Variants in ANO1 observed in about 807,000 individuals in gnomAD.
ANO1 encodes the protein anoctamin-1.
ANO1 carries 59 observed loss-of-function variants against 124.0 expected under a neutral mutation model. That is an observed-to-expected ratio of 0.48 (90% CI 0.39 to 0.59). ANO1 has a LOEUF of 0.59. Among genes scored for constraint, ANO1 ranks in the 20% least tolerant of loss-of-function variants. The pLI is 0.00. For missense variants in ANO1, 1,059 were observed against 1,328.0 expected, an observed-to-expected ratio of 0.80 and a Z score of 3.15; for synonymous variants, 529 against 532.0, an observed-to-expected ratio of 0.99 and a Z score of 0.08.
intron 1 of ANO1, among the ~76,000 whole-genome samples, chr11:70,083,148 C>T (rs1429073598): frequency 6.6e-6 from 1 of 152,164 alleles, no homozygotes; most frequent in Admixed American, 6.5e-5. Context: ...TTTCCCCTGT[C>T]CTCCCCTAGT....
chr11:70,052,940 C>T (rs1857376687), intron 1 of ANO1, among the ~76,000 whole-genome samples: 1 of 152,144 alleles, frequency 6.6e-6, no homozygotes, highest in Non-Finnish European at 1.5e-5. Flanking sequence ...TCTTTTGTCT[C>T]TCTTAGTAAT....
At chr11:70,088,178 G>T (rs1306507138) in intron 2 of ANO1, 94 bp downstream of exon 2, 5 of 902,126 alleles carry the variant, frequency 5.5e-6, no homozygotes, top group Non-Finnish European at 6.4e-6. Context: ...CAGAGGGTGC[G>T]AGGCTGGTAT....
chr11:70,186,395 G>GAAGAAAGA (rs1161253873), intron 25 of ANO1, among the ~76,000 whole-genome samples: 12 of 145,978 alleles, frequency 8.2e-5, no homozygotes, highest in African/African-American at 2.7e-4. Context: ...AGGAAGGAAG[G>GAAGAAAGA]AAGAAAGACA....
chr11:70,006,151 G>T (rs146094277), intron 1 of ANO1, among the ~76,000 whole-genome samples: 4 of 152,286 alleles, frequency 2.6e-5, no homozygotes, highest in African/African-American at 9.6e-5. Flanking sequence ...CATCTCAGGA[G>T]TGAGGATGCC....
intron 1 of ANO1, among the ~76,000 whole-genome samples, chr11:70,037,267 T>C (rs1210916189): frequency 1.3e-5 from 2 of 151,904 alleles, no homozygotes; most frequent in Non-Finnish European, 2.9e-5. Context: ...CAATACTCAG[T>C]GGAGCAGGGC....
At chr11:69,999,722 C>G (rs971172300) in intron 1 of ANO1, among the ~76,000 whole-genome samples, 7 of 152,202 alleles carry the variant, frequency 4.6e-5, no homozygotes, top group Admixed American at 4.6e-4. Context: ...GCTCAATAAA[C>G]ATTTGCTGAA....
intron 25 of ANO1, 67 bp from the exon 26 acceptor site, chr11:70,187,671 C>T: frequency 6.6e-7 from 1 of 1,525,020 alleles, no homozygotes; most frequent in Non-Finnish European, 8.8e-7. Context: ...GGGGGCCAGG[C>T]AGAGAGGTCA....
chr11:70,045,180 G>T (rs1555005444), intron 1 of ANO1, among the ~76,000 whole-genome samples: 1 of 152,210 alleles, frequency 6.6e-6, no homozygotes, highest in Admixed American at 6.5e-5. Context: ...CCAGGTAAAG[G>T]CTAAACAGGC....
intron 25 of ANO1, among the ~76,000 whole-genome samples, chr11:70,185,915 A>G (rs1177289323): frequency 1.3e-5 from 2 of 152,144 alleles, no homozygotes; most frequent in Non-Finnish European, 1.5e-5. Flanking sequence ...GAGGAAGGCC[A>G]ATAGAGGGGC....
rs1161416298 is a variant in ANO1, at chr11:70,081,340, G to A, written c.108+2626G>A. 3.3e-5 allele frequency among the ~76,000 whole-genome samples: 5 copies of A among 152,200 alleles called. 1 individual carries two copies. Among genetic ancestry groups the A allele is most frequent in the Admixed American group, 3.3e-4 (5 of 15,284 alleles). On this transcript the variant is annotated intron_variant, in intron 1 of 25. Transcript: ENST00000355303. ...CCCAAACAAGCCCAGACACTCCAGA[G>A]ATACCTGATTTGCTGGTATCTGCCC...
chr11:70,116,646 C>A lies in ANO1; in HGVS notation c.897+147C>A, dbSNP rs1466097523. 4 of 662,922 alleles carry A rather than the reference C, an allele frequency of 6.0e-6. No homozygotes were observed. The South Asian group carries it at 7.2e-5, about 12-fold the overall frequency. The allele number at this position is 662,922 out of a possible 1,614,324, so 41.1% of individuals were successfully genotyped here. On this transcript the variant is annotated intron_variant, in intron 8 of 25. Transcript: ENST00000355303. ...TGCAGGGGGCTGAGAAGCGGGTGTCCCCTCTCACCTTTTCAGGAGAAAAGT... is the reference window on the plus strand; with the variant it reads ...TGCAGGGGGCTGAGAAGCGGGTGTCACCTCTCACCTTTTCAGGAGAAAAGT...
chr11:70,082,774 A>G (rs2044242293), intron 1 of ANO1, among the ~76,000 whole-genome samples: 1 of 151,942 alleles, frequency 6.6e-6, no homozygotes, highest in Admixed American at 6.6e-5. Flanking sequence ...CACCCACTCC[A>G]CTGCTCCGTG....
intron 1 of ANO1, among the ~76,000 whole-genome samples, chr11:70,041,524 T>C (rs1857182679): frequency 6.6e-6 from 1 of 152,210 alleles, no homozygotes; most frequent in Non-Finnish European, 1.5e-5. Context: ...TTTCATCCAG[T>C]TGGCAGAACT....
intron 1 of ANO1, chr11:70,085,434 C>T (rs1326356625): frequency 6.5e-7 from 1 of 1,533,360 alleles, no homozygotes; most frequent in African/African-American, 1.4e-5. Flanking sequence ...AGTCCAGGTC[C>T]TCCTGAAGGT....
chr11:70,111,177 A>C (rs1460534008), intron 6 of ANO1: 1 of 457,422 alleles, frequency 2.2e-6, no homozygotes. Flanking sequence ...AAAAGGCGGA[A>C]ATGTGGGAAG....
At chr11:70,010,182 T>TATATAG (rs1856575127) in intron 1 of ANO1, among the ~76,000 whole-genome samples, 1 of 74,626 alleles carries the variant, frequency 1.3e-5, no homozygotes, top group African/African-American at 3.6e-5. Context: ...TGTGTGTGTA[T>TATATAG]ATATATATAT....
In ANO1 at chr11:70,188,171, C is replaced by T. The variant is rs2049217575; in HGVS notation, c.*167C>T. On this transcript the variant is annotated 3_prime_UTR_variant, in exon 26 of 26. Transcript: ENST00000355303. Reference sequence around the variant, plus strand: ...CATTTTCCTTTCTTCTTTCTGTTTTCTTTCCCTTGTTTTTGCACAAAGCCA... The same window carrying T: ...CATTTTCCTTTCTTCTTTCTGTTTTTTTTCCCTTGTTTTTGCACAAAGCCA... The T allele has an allele frequency of 2.4e-6, 2 of 839,034 alleles. No individual in the cohort carries two copies. The highest frequency in any genetic ancestry group is 1.9e-5 in the South Asian group (1 of 54,038). The allele number at this position is 839,034 out of a possible 1,614,324, so 52.0% of individuals were successfully genotyped here.
rs538003442 is a variant in ANO1, at chr11:70,111,819, C to T, written c.855+57C>T. 2.0e-5 allele frequency: 32 copies of T among 1,561,600 alleles called. No homozygotes were observed. The South Asian group carries it at 3.2e-4, about 16-fold the overall frequency. On this transcript the variant is annotated intron_variant, in intron 7 of 25. Coordinates refer to ENST00000355303, the MANE Select transcript of ANO1 (RefSeq NM_018043.7). ...CGTCATTTGACTCCCCAAATCCCGC[C>T]GGGCCACACCCCCCCGGGAGCTGCA...
intron 1 of ANO1, among the ~76,000 whole-genome samples, chr11:70,006,628 C>T (rs1165392999): frequency 2.3e-5 from 3 of 132,856 alleles, no homozygotes; most frequent in Admixed American, 7.4e-5. Flanking sequence ...TTTCTTTCTT[C>T]TTTCTTTTCT....
Sources: allele counts gnomAD v4.1 joint callset (sites outside exome capture counted in the v4.1 genomes callset), GRCh38; gene constraint gnomAD v4.1.1; transcripts MANE v1.5; gene names NCBI Gene and HGNC (gene_info 2026-07-23, HGNC 2026-07-21).